NMUR2: variants seen among roughly 807,000 people sequenced by gnomAD.
NMUR2 encodes neuromedin U receptor 2, also known as neuromedin-U receptor 2.
A neutral mutation model predicts 25.1 loss-of-function variants in NMUR2; 24 were observed. That is an observed-to-expected ratio of 0.96 (90% CI 0.69 to 1.34). NMUR2 has a LOEUF of 1.34. Among genes scored for constraint, NMUR2 ranks in the 40% most tolerant of loss-of-function variants. NMUR2 has a pLI of 0.00. For missense variants in NMUR2, 533 were observed against 512.8 expected (o/e 1.04, Z -0.38); for synonymous variants, 218 against 208.1 (o/e 1.05, Z -0.41).
In NMUR2 at chr5:152,392,169, G is replaced by T; in HGVS notation, c.*22C>A. On this transcript the variant is annotated 3_prime_UTR_variant, in exon 4 of 4. Transcript: ENST00000255262. ...CCTCTCTGAAGTTTTGAGGCATAGA[G>T]GAGAGTCAGCTCTGAAAGAATTCAG... The T allele has an allele frequency of 6.3e-7, 1 of 1,588,934 alleles. No individual in the cohort carries two copies. The highest frequency in any genetic ancestry group is 1.2e-5 in the South Asian group (1 of 86,818).
Position 152,404,533 on chromosome 5 carries a change from T to C in NMUR2, c.581A>G (p.Asn194Ser), listed in dbSNP as rs201003238. 70 of 1,613,930 alleles carry C rather than the reference T, an allele frequency of 4.3e-5. No homozygotes were observed. Among genetic ancestry groups the C allele is most frequent in the East Asian group, 3.1e-4 (14 of 44,850 alleles). The change falls in exon 1 of 4, where the codon AAT (asparagine) becomes AGT (serine). Residue 194 changes from asparagine (N) to serine (S), a missense_variant. By Grantham distance (46) the Asn-to-Ser change is conservative. Coordinates refer to ENST00000255262, the MANE Select transcript of NMUR2 (RefSeq NM_020167.5). ...GGCCGAACCTGGGACCAGGGACCCA[T>C]TGGGGAAGTAGTGGAACTTGATGCC... ...IHGIKFHYFP[N>S]GSLVPGSATC...
intron 2 of NMUR2, among the ~76,000 whole-genome samples, 170 bp downstream of exon 2, chr5:152,397,890 G>T (rs1195595390): frequency 2.0e-5 from 3 of 152,102 alleles, no homozygotes; most frequent in African/African-American, 7.2e-5. Context: ...CATTAAGGAG[G>T]TGTCTTCATT....
intron 1 of NMUR2, among the ~76,000 whole-genome samples, chr5:152,400,139 A>G (rs1456811183): frequency 2.0e-5 from 3 of 152,150 alleles, no homozygotes; most frequent in Non-Finnish European, 4.4e-5. Flanking sequence ...GGTAGCACTC[A>G]GGACCACATA....
chr5:152,405,267 C>CA lies in NMUR2; in HGVS notation c.-155dup. ...GAAGGCTGGGAGAGAGTGAGTGTTT[C>CA]ACCCTCCAGGTTAGGCTGCCTGGAC... On this transcript the variant is annotated 5_prime_UTR_variant, in exon 1 of 4. Transcript: ENST00000255262. 1.1e-6 allele frequency: 1 copy of CA among 890,824 alleles called. No homozygotes were observed. Among genetic ancestry groups the CA allele is most frequent in the Non-Finnish European group, 1.7e-6 (1 of 603,996 alleles). The allele number at this position is 890,824 out of a possible 1,614,324, so 55.2% of individuals were successfully genotyped here. A position where few individuals can be genotyped will look rare whatever the true frequency, so the allele number is the denominator to read the frequency against.
chr5:152,404,761 C>G lies in NMUR2; in HGVS notation c.353G>C (p.Gly118Ala). The stretch of plus-strand genomic sequence containing the variant: ...AAAGAGGGCCGTCTTGAAGTAGCAG[C>G]CCACGGGCCCGAACAAGAAAGGGTA... ...RNYPFLFGPV[G>A]CYFKTALFET... The change falls in exon 1 of 4, where the codon GGC (glycine) becomes GCC (alanine). Residue 118 changes from glycine to alanine, a missense_variant. Physicochemically the swap from Gly to Ala is moderately conservative, Grantham distance 60. Coordinates refer to ENST00000255262, the MANE Select transcript of NMUR2 (RefSeq NM_020167.5). The G allele has an allele frequency of 6.2e-7, 1 of 1,614,106 alleles. No individual in the cohort carries two copies. Among genetic ancestry groups the G allele is most frequent in the South Asian group, 1.1e-5 (1 of 91,074 alleles).
At chr5:152,395,605 G>C (rs759877580) in intron 2 of NMUR2, 21 bp from the exon 3 acceptor site, 12 of 1,612,090 alleles carry the variant, frequency 7.4e-6, no homozygotes, top group Non-Finnish European at 1.0e-5. Context: ...ATGATAAATG[G>C]GAGACCAGAA....
In NMUR2 at chr5:152,392,218, ATAGT is replaced by A; in HGVS notation, c.1217_1220del (p.Asn406IlefsTer15). 1 of 1,612,684 alleles carries A rather than the reference ATAGT, an allele frequency of 6.2e-7. No individual in the cohort carries two copies. The highest frequency in any genetic ancestry group is 1.1e-5 in the South Asian group (1 of 90,980). On this transcript the variant is annotated frameshift_variant, in exon 4 of 4. Coordinates refer to ENST00000255262, the MANE Select transcript of NMUR2 (RefSeq NM_020167.5). LOFTEE classifies it low-confidence loss of function (END_TRUNC). ...AGGTTTTGTTAAAGTGGAAGCTTTG[ATAGT>A]TTGTTCTTGACATCTGTTCACTAGA... is the stretch of plus-strand genomic sequence containing the variant.
In NMUR2 at chr5:152,392,353, C is replaced by T. The variant is rs751121052; in HGVS notation, c.1086G>A (p.Arg362=). 5 of 1,613,988 alleles carry T rather than the reference C, an allele frequency of 3.1e-6. No homozygotes were observed. The highest frequency in any genetic ancestry group is 2.2e-5 in the South Asian group (2 of 91,080). ...AGTGGCATTCTGTCAGGAAGATGTT[C>T]CGCTGGGCAGGTGGCAACTGTGGGT... is the stretch of plus-strand genomic sequence containing the variant. ...QHDPQLPPAQ[R]NIFLTECHFV... Residue 362 remains arginine, a synonymous_variant, in exon 4 of 4, where the codon CGG becomes CGA. Coordinates refer to ENST00000255262, the MANE Select transcript of NMUR2 (RefSeq NM_020167.5).
Position 152,392,252 on chromosome 5 carries a change from G to T in NMUR2, c.1187C>A (p.Ala396Asp), listed in dbSNP as rs370103674. 17 of 1,613,668 alleles carry T rather than the reference G, an allele frequency of 1.1e-5. No homozygotes were observed. Among genetic ancestry groups the T allele is most frequent in the Non-Finnish European group, 1.3e-5 (15 of 1,179,772 alleles). Reference protein sequence around the residue: ...SSMHNSHLPAALSSEQMSRTN... With the variant: ...SSMHNSHLPADLSSEQMSRTN... ...TCTTGACATCTGTTCACTAGAGAGG[G>T]CTGCTGGGAGGTGAGAGTTGTGCAT... The change falls in exon 4 of 4, where the codon GCC becomes GAC. Residue 396 changes from alanine (A) to aspartate (D), a missense_variant. Physicochemically the swap from Ala to Asp is moderately radical, Grantham distance 126. Transcript: ENST00000255262.
intron 1 of NMUR2, among the ~76,000 whole-genome samples, chr5:152,399,346 T>C (rs1186353761): frequency 3.9e-5 from 6 of 152,154 alleles, no homozygotes; most frequent in Non-Finnish European, 5.9e-5. Context: ...GAGGTGTCAC[T>C]AAACTTCAGC....
intron 1 of NMUR2, among the ~76,000 whole-genome samples, chr5:152,400,514 C>T (rs1425400638): frequency 6.6e-6 from 1 of 151,968 alleles, no homozygotes; most frequent in African/African-American, 2.4e-5. Context: ...GTACTGAGTC[C>T]CTTCTAGAAA....
chr5:152,393,815 G>A (rs1753101100), intron 3 of NMUR2, among the ~76,000 whole-genome samples: 1 of 152,134 alleles, frequency 6.6e-6, no homozygotes, highest in South Asian at 2.1e-4. Flanking sequence ...AGATAGTTGA[G>A]GAAGACAGGA....
In NMUR2 at chr5:152,405,101, C is replaced by G; in HGVS notation, c.13G>C (p.Glu5Gln). Residue 5 changes from glutamate to glutamine, a missense_variant, in exon 1 of 4, where the codon GAA (glutamate) becomes CAA (glutamine). Physicochemically the swap from Glu to Gln is conservative, Grantham distance 29. Transcript: ENST00000255262. ...ATCCAGGAAGCATTCTGAAGTTTTT[C>G]CATCCCTGACATTAAAATCCAAGGC... is the stretch of plus-strand genomic sequence containing the variant. MSGM[E>Q]KLQNASWIYQ... The G allele has an allele frequency of 1.6e-5, 26 of 1,607,638 alleles. No individual in the cohort carries two copies. The highest frequency in any genetic ancestry group is 2.1e-5 in the Non-Finnish European group (25 of 1,175,968).
intron 3 of NMUR2, among the ~76,000 whole-genome samples, chr5:152,392,776 A>G (rs1753084874): frequency 6.6e-6 from 1 of 152,158 alleles, no homozygotes; most frequent in Non-Finnish European, 1.5e-5. Flanking sequence ...TTTGATCACT[A>G]CTTGTTTAAT....
chr5:152,401,053 A>G lies in NMUR2; in HGVS notation c.727-2909T>C, dbSNP rs1373801691. Among the ~76,000 whole-genome samples the G allele has an allele frequency of 2.6e-5, 4 of 152,346 alleles. No individual in the cohort carries two copies. The East Asian group carries it at 7.7e-4, about 29-fold the overall frequency. On this transcript the variant is annotated intron_variant, in intron 1 of 3. Coordinates refer to ENST00000255262, the MANE Select transcript of NMUR2 (RefSeq NM_020167.5). ...CTTACATATGGTGTACATTGTTCCA[A>G]CAGAATTTGGAGTGGTTGACAGAAT...
At chr5:152,400,391 C>T (rs1260703655) in intron 1 of NMUR2, among the ~76,000 whole-genome samples, 1 of 152,120 alleles carries the variant, frequency 6.6e-6, no homozygotes, top group African/African-American at 2.4e-5. Context: ...TTGTATATTA[C>T]TGTTATTACA....
chr5:152,395,725 G>A, intron 2 of NMUR2, 141 bp from the exon 3 acceptor site: 1 of 778,988 alleles, frequency 1.3e-6, no homozygotes, highest in Non-Finnish European at 1.9e-6. Context: ...AGGCAAACTA[G>A]ATCCCAAAGA....
chr5:152,401,444 T>C (rs1259045238), intron 1 of NMUR2, among the ~76,000 whole-genome samples: 1 of 152,220 alleles, frequency 6.6e-6, no homozygotes, highest in African/African-American at 2.4e-5. Flanking sequence ...CTCTACCAGA[T>C]GTTCATTTAT....
At chr5:152,393,832 G>T (rs1001930097) in intron 3 of NMUR2, among the ~76,000 whole-genome samples, 1 of 152,126 alleles carries the variant, frequency 6.6e-6, no homozygotes, top group African/African-American at 2.4e-5. Flanking sequence ...AGGAGAGGGT[G>T]TTGCAGGTAC....
Sources: allele counts gnomAD v4.1 joint callset (sites outside exome capture counted in the v4.1 genomes callset), GRCh38; gene constraint gnomAD v4.1.1; transcripts MANE v1.5; gene names NCBI Gene and HGNC (gene_info 2026-07-23, HGNC 2026-07-21).